Variants in ANGPT1 observed in about 807,000 individuals in gnomAD.
The protein encoded by ANGPT1 is angiopoietin 1, also known as angiopoietin-1.
Under a neutral mutation model 62.2 loss-of-function variants are expected in ANGPT1, and 17 were observed. That is an observed-to-expected ratio of 0.27 (90% CI 0.19 to 0.41). The LOEUF is 0.41. ANGPT1 is among the 10% of genes least tolerant of loss of function. ANGPT1 has a pLI of 1.00. For synonymous variants in ANGPT1, 199 were observed against 198.9 expected, an observed-to-expected ratio of 1.00 and a Z score of 0.00; for missense variants, 478 against 594.9, an observed-to-expected ratio of 0.80 and a Z score of 2.04.
intron 1 of ANGPT1, among the ~76,000 whole-genome samples, chr8:107,353,912 A>G (rs930699758): frequency 4.6e-5 from 7 of 152,242 alleles, no homozygotes; most frequent in South Asian, 4.1e-4. Flanking sequence ...AGATACTGAT[A>G]CTAATAATGT....
chr8:107,314,387 T>C (rs149708605), intron 4 of ANGPT1, among the ~76,000 whole-genome samples: 6 of 152,252 alleles, frequency 3.9e-5, no homozygotes, highest in East Asian at 1.9e-4. Flanking sequence ...CTCCGAAAGA[T>C]GGGGTTTAGA....
chr8:107,474,206 G>A (rs1300051520), intron 1 of ANGPT1, among the ~76,000 whole-genome samples: 1 of 76,222 alleles, frequency 1.3e-5, no homozygotes, highest in African/African-American at 5.2e-5. Flanking sequence ...CTGGCAAACC[G>A]AATCCAGCAA....
At chr8:107,263,922 G>C (rs1463190252) in intron 8 of ANGPT1, among the ~76,000 whole-genome samples, 2 of 152,034 alleles carry the variant, frequency 1.3e-5, no homozygotes, top group African/African-American at 4.8e-5. Context: ...TTTTACTAAG[G>C]ATATCAAGAT....
chr8:107,441,064 C>G (rs1265134771), intron 1 of ANGPT1, among the ~76,000 whole-genome samples: 1 of 152,176 alleles, frequency 6.6e-6, no homozygotes, highest in Non-Finnish European at 1.5e-5. Context: ...GATACTTTAA[C>G]TACACAGTTT....
intron 1 of ANGPT1, among the ~76,000 whole-genome samples, chr8:107,485,364 C>T (rs578103180): frequency 1.3e-5 from 2 of 152,138 alleles, no homozygotes; most frequent in Non-Finnish European, 2.9e-5. Context: ...ATTTTGTCCC[C>T]ACCCTGCTTT....
intron 1 of ANGPT1, among the ~76,000 whole-genome samples, chr8:107,416,743 A>T (rs1490698910): frequency 6.6e-6 from 1 of 152,026 alleles, no homozygotes; most frequent in East Asian, 1.9e-4. Flanking sequence ...AGCATGGGGC[A>T]GAACACCTTC....
chr8:107,474,252 T>C (rs1391463077), intron 1 of ANGPT1, among the ~76,000 whole-genome samples: 1 of 152,118 alleles, frequency 6.6e-6, no homozygotes, highest in Non-Finnish European at 1.5e-5. Flanking sequence ...CAAGTGGGCT[T>C]CATCCTGGGA....
Position 107,417,828 on chromosome 8 carries a change from G to A in ANGPT1, c.298-70731C>T, listed in dbSNP as rs147589957. Among the ~76,000 whole-genome samples, 186 of 152,278 alleles carry A rather than the reference G, an allele frequency of 1.2e-3. 1 individual carries two copies. Among genetic ancestry groups the A allele is most frequent in the Middle Eastern group, 3.4e-3 (1 of 294 alleles). ...TGTTTCAATCCTGAGATACTTAAAC[G>A]TAAGGCATTTGCAACATTGAACAAC... On this transcript the variant is annotated intron_variant, in intron 1 of 8. Coordinates refer to ENST00000517746, the MANE Select transcript of ANGPT1 (RefSeq NM_001146.5).
intron 1 of ANGPT1, among the ~76,000 whole-genome samples, chr8:107,460,996 C>T (rs998650021): frequency 2.0e-5 from 3 of 152,100 alleles, no homozygotes; most frequent in African/African-American, 7.2e-5. Context: ...GTACTTGAAC[C>T]TCATAGCCAC....
chr8:107,369,737 G>T (rs552243412), intron 1 of ANGPT1, among the ~76,000 whole-genome samples: 3 of 148,366 alleles, frequency 2.0e-5, no homozygotes, highest in African/African-American at 7.5e-5. Flanking sequence ...ATGAGGAAAT[G>T]GCCCATGAGT....
chr8:107,257,972 CTTCT>C (rs1280912654), intron 8 of ANGPT1, among the ~76,000 whole-genome samples: 8 of 141,598 alleles, frequency 5.6e-5, no homozygotes, highest in Admixed American at 5.0e-4. Flanking sequence ...TCTTTCCTTT[CTTCT>C]TTCTTTCTTT....
chr8:107,290,756 G>A (rs900583618), intron 6 of ANGPT1, among the ~76,000 whole-genome samples: 2 of 152,140 alleles, frequency 1.3e-5, no homozygotes, highest in African/African-American at 4.8e-5. Flanking sequence ...AAGCATGATA[G>A]CCTTTCTTAT....
At chr8:107,462,231 G>C (rs2130479002) in intron 1 of ANGPT1, among the ~76,000 whole-genome samples, 1 of 152,016 alleles carries the variant, frequency 6.6e-6, no homozygotes, top group South Asian at 2.1e-4. Context: ...AATATGAAGA[G>C]GGAGAGAAAA....
chr8:107,479,014 T>G (rs1271120401), intron 1 of ANGPT1, among the ~76,000 whole-genome samples: 1 of 152,178 alleles, frequency 6.6e-6, no homozygotes, highest in Non-Finnish European at 1.5e-5. Context: ...ATGGGGTCAC[T>G]GAAGACATGA....
At chr8:107,406,497 T>G (rs1817150641) in intron 1 of ANGPT1, among the ~76,000 whole-genome samples, 1 of 152,052 alleles carries the variant, frequency 6.6e-6, no homozygotes, top group Non-Finnish European at 1.5e-5. Flanking sequence ...TGACCATCAA[T>G]AGCTAAAATT....
At chr8:107,398,241 G>A (rs1282239116) in intron 1 of ANGPT1, among the ~76,000 whole-genome samples, 1 of 152,134 alleles carries the variant, frequency 6.6e-6, no homozygotes, top group East Asian at 1.9e-4. Flanking sequence ...ATTGAAAATT[G>A]TAAGTTTTAG....
chr8:107,287,788 G>A (rs1224886990), intron 6 of ANGPT1, among the ~76,000 whole-genome samples: 3 of 152,078 alleles, frequency 2.0e-5, no homozygotes, highest in South Asian at 2.1e-4. Context: ...TAGAAATATC[G>A]ACTTTGTTTC....
In ANGPT1 at chr8:107,455,815, C is replaced by A. The variant is rs146761671; in HGVS notation, c.297+41447G>T. Among the ~76,000 whole-genome samples the A allele has an allele frequency of 2.0e-3, 302 of 152,084 alleles. 1 individual carries two copies. The highest frequency in any genetic ancestry group is 3.9e-3 in the Non-Finnish European group (262 of 67,948). On this transcript the variant is annotated intron_variant, in intron 1 of 8. Transcript: ENST00000517746. ...AAATCACAATCAAGGCTTTTATCTCCAAGAAAGAATCTGGTAGAAGAACCT... is the reference window on the plus strand; with the variant it reads ...AAATCACAATCAAGGCTTTTATCTCAAAGAAAGAATCTGGTAGAAGAACCT...
intron 1 of ANGPT1, among the ~76,000 whole-genome samples, chr8:107,424,309 T>A (rs967706092): frequency 3.3e-5 from 5 of 151,830 alleles, no homozygotes; most frequent in African/African-American, 1.2e-4. Context: ...CAGAAAAAAA[T>A]AAAATGGTTA....
Sources: allele counts gnomAD v4.1 joint callset (sites outside exome capture counted in the v4.1 genomes callset), GRCh38; gene constraint gnomAD v4.1.1; transcripts MANE v1.5; gene names NCBI Gene and HGNC (gene_info 2026-07-23, HGNC 2026-07-21).